FMN2: variants seen among roughly 807,000 people sequenced by gnomAD.
FMN2 encodes the protein formin 2, also known as formin-2.
Under a neutral mutation model 142.3 loss-of-function variants are expected in FMN2, and 51 were observed. That is an observed-to-expected ratio of 0.36 (90% CI 0.29 to 0.45). FMN2 has a LOEUF of 0.45. Among genes scored for constraint, FMN2 ranks in the 20% least tolerant of loss-of-function variants. FMN2 has a pLI of 1.00. For missense variants in FMN2, 1,936 were observed against 2,122.8 expected (o/e 0.91, Z 1.73); for synonymous variants, 882 against 869.8 (o/e 1.01, Z -0.25).
intron 1 of FMN2, among the ~76,000 whole-genome samples, chr1:240,099,310 GTTTTGTTTTT>G (rs757705724): frequency 1.3e-5 from 2 of 149,058 alleles, no homozygotes; most frequent in Admixed American, 6.7e-5. Flanking sequence ...GTTTTGTTTT[GTTTTGTTTTT>G]TTTTGCAAAT....
In FMN2 at chr1:240,405,199, C is replaced by G. The variant is rs528478461; in HGVS notation, c.4910+12637C>G. Among the ~76,000 whole-genome samples the G allele has an allele frequency of 3.2e-4, 48 of 152,156 alleles. 1 individual carries two copies. The South Asian group carries it at 9.1e-3, about 29-fold the overall frequency. On this transcript the variant is annotated intron_variant, in intron 15 of 17. Coordinates refer to ENST00000319653, the MANE Select transcript of FMN2 (RefSeq NM_020066.5). ...TTCTAATCACCGTGCTCTTGAAATGCAAGTAGGGCAAGGGCTGGAGAGGGC... is the reference window on the plus strand; with the variant it reads ...TTCTAATCACCGTGCTCTTGAAATGGAAGTAGGGCAAGGGCTGGAGAGGGC...
At chr1:240,204,998 A>G (rs1461016277) in intron 4 of FMN2, among the ~76,000 whole-genome samples, 5 of 152,216 alleles carry the variant, frequency 3.3e-5, no homozygotes, top group Non-Finnish European at 7.3e-5. Context: ...CAAGCAGGGT[A>G]AGAGTTTAGT....
chr1:240,412,403 G>A (rs1674429016), intron 15 of FMN2, among the ~76,000 whole-genome samples: 1 of 152,148 alleles, frequency 6.6e-6, no homozygotes, highest in Admixed American at 6.5e-5. Flanking sequence ...TTTGGAGAGG[G>A]AAGGAAGAAG....
At chr1:240,314,832 A>G (rs1054469656) in intron 8 of FMN2, among the ~76,000 whole-genome samples, 1 of 152,146 alleles carries the variant, frequency 6.6e-6, no homozygotes, top group African/African-American at 2.4e-5. Flanking sequence ...TCTACCAGCC[A>G]TTGTTTTTAC....
At chr1:240,120,161 T>G (rs1662176417) in intron 1 of FMN2, among the ~76,000 whole-genome samples, 1 of 152,234 alleles carries the variant, frequency 6.6e-6, no homozygotes, top group South Asian at 2.1e-4. Context: ...AGATTAGTTT[T>G]GTTTTATAGA....
At chr1:240,448,862 G>T (rs1675912409) in intron 16 of FMN2, among the ~76,000 whole-genome samples, 1 of 152,088 alleles carries the variant, frequency 6.6e-6, no homozygotes, top group Non-Finnish European at 1.5e-5. Flanking sequence ...TGGTTAACTG[G>T]CAGGGTAGGG....
chr1:240,394,834 G>A (rs1673721158), intron 15 of FMN2, among the ~76,000 whole-genome samples: 1 of 152,062 alleles, frequency 6.6e-6, no homozygotes, highest in African/African-American at 2.4e-5. Flanking sequence ...CAGGCATGGT[G>A]GTGCATGCCT....
intron 15 of FMN2, among the ~76,000 whole-genome samples, chr1:240,427,022 G>C (rs149164440): frequency 0.013 from 1,918 of 151,802 alleles, 48 homozygotes; most frequent in African/African-American, 0.042. Flanking sequence ...TCGCAAGCGT[G>C]AGCTACCGTG....
intron 16 of FMN2, among the ~76,000 whole-genome samples, chr1:240,456,520 G>A (rs768250978): frequency 1.1e-4 from 17 of 152,116 alleles, no homozygotes; most frequent in Non-Finnish European, 1.0e-4. Flanking sequence ...GCAATGGCAC[G>A]ATCTCGGTTC....
intron 2 of FMN2, among the ~76,000 whole-genome samples, chr1:240,146,506 C>T (rs956732039): frequency 2.0e-5 from 3 of 151,648 alleles, no homozygotes; most frequent in Non-Finnish European, 4.4e-5. Context: ...AGTTCAAGAC[C>T]AGGCTGGCCA....
At chr1:240,281,067 A>G (rs1206274448) in intron 7 of FMN2, among the ~76,000 whole-genome samples, 1 of 152,146 alleles carries the variant, frequency 6.6e-6, no homozygotes, top group African/African-American at 2.4e-5. Context: ...TTCTCTAACA[A>G]TTTAACTTGT....
chr1:240,159,921 A>ATT (rs1373572474), intron 2 of FMN2, among the ~76,000 whole-genome samples: 10,603 of 136,878 alleles, frequency 0.077, 432 homozygotes, highest in South Asian at 0.11. Flanking sequence ...ATATATATAT[A>ATT]TATATATATA....
intron 16 of FMN2, among the ~76,000 whole-genome samples, chr1:240,447,826 A>G (rs1675880233): frequency 1.3e-5 from 2 of 152,182 alleles, no homozygotes; most frequent in South Asian, 4.1e-4. Flanking sequence ...TCTACTCAAA[A>G]AAAGTTGACG....
chr1:240,303,831 G>A lies in FMN2; in HGVS notation c.4215+8948G>A, dbSNP rs78443388. ...TTGGTGGTGTTTCACGGCTTCCTGA[G>A]GCTGTCTTCACTTTTCTTCCATTTT... On this transcript the variant is annotated intron_variant, in intron 8 of 17. Coordinates refer to ENST00000319653, the MANE Select transcript of FMN2 (RefSeq NM_020066.5). 4.2e-3 allele frequency among the ~76,000 whole-genome samples: 642 copies of A among 152,078 alleles called. 8 individuals are homozygous for A. Among genetic ancestry groups the A allele is most frequent in the African/African-American group, 0.014 (574 of 41,482 alleles).
chr1:240,193,649 A>T (rs1328798395), intron 4 of FMN2, among the ~76,000 whole-genome samples: 1 of 152,264 alleles, frequency 6.6e-6, no homozygotes, highest in Non-Finnish European at 1.5e-5. Context: ...CTCAGCTGGC[A>T]GCTGCCCTGG....
At chr1:240,340,232 T>C (rs1671700839) in intron 13 of FMN2, among the ~76,000 whole-genome samples, 1 of 152,198 alleles carries the variant, frequency 6.6e-6, no homozygotes, top group Non-Finnish European at 1.5e-5. Flanking sequence ...TTGCATCTTA[T>C]ATTCCTCCCC....
chr1:240,241,244 ATTT>A (rs75842695), intron 6 of FMN2, among the ~76,000 whole-genome samples: 1 of 136,584 alleles, frequency 7.3e-6, no homozygotes, highest in Non-Finnish European at 1.6e-5. Flanking sequence ...TTTTAATTGT[ATTT>A]TTTTTTTTTT....
chr1:240,247,068 CTG>C (rs1668107089), intron 6 of FMN2, among the ~76,000 whole-genome samples: 1 of 152,192 alleles, frequency 6.6e-6, no homozygotes, highest in Non-Finnish European at 1.5e-5. Flanking sequence ...CTTAAGGACA[CTG>C]TGGAATCCAT....
chr1:240,399,500 G>A (rs562575137), intron 15 of FMN2, among the ~76,000 whole-genome samples: 2 of 152,106 alleles, frequency 1.3e-5, no homozygotes, highest in African/African-American at 4.8e-5. Flanking sequence ...ACGTCTTATG[G>A]GAGCCGCTGC....
Sources: gnomAD v4.1 joint callset for allele counts (sites outside exome capture counted in the v4.1 genomes callset) on GRCh38, gnomAD v4.1.1 for gene constraint, MANE v1.5 for transcripts, NCBI Gene and HGNC (gene_info 2026-07-23, HGNC 2026-07-21) for gene names.